DHTKD1: variants seen among roughly 807,000 people sequenced by gnomAD.
DHTKD1 encodes the protein dehydrogenase E1 and transketolase domain containing 1, also known as 2-oxoadipate dehydrogenase complex component E1.
DHTKD1 carries 78 observed loss-of-function variants against 101.8 expected under a neutral mutation model. That is an observed-to-expected ratio of 0.77 (90% CI 0.64 to 0.93). The LOEUF (loss-of-function observed/expected upper bound fraction) is 0.93. Among genes scored for constraint, DHTKD1 ranks in the 40% least tolerant of loss-of-function variants. The pLI is 0.00. For missense variants in DHTKD1, 1,223 were observed against 1,161.7 expected (o/e 1.05, Z -0.77); for synonymous variants, 462 against 450.3 (o/e 1.03, Z -0.33).
At chr10:12,076,464 A>C (rs1167023164) in intron 1 of DHTKD1, among the ~76,000 whole-genome samples, 1 of 151,842 alleles carries the variant, frequency 6.6e-6, no homozygotes, top group African/African-American at 2.4e-5. Flanking sequence ...CAACAGAGCG[A>C]GACTCTGTCT....
intron 11 of DHTKD1, among the ~76,000 whole-genome samples, chr10:12,106,992 T>C (rs573375806): frequency 3.3e-5 from 5 of 151,200 alleles, no homozygotes; most frequent in Admixed American, 1.3e-4. Context: ...CTTTTCTTTT[T>C]TTTTTTTTTT....
At position 12,118,451 on chromosome 10, in the gene DHTKD1, T is replaced by C. The variant is rs183529715; in HGVS notation, c.2403-298T>C. ...AGGCTGGAGTGCAGTGGCACGATCTTGGCTCACTGCAAGCTCCGCCTCCCG... is the reference window on the plus strand; with the variant it reads ...AGGCTGGAGTGCAGTGGCACGATCTCGGCTCACTGCAAGCTCCGCCTCCCG... On this transcript the variant is annotated intron_variant, in intron 14 of 16. Transcript: ENST00000263035. Among the ~76,000 whole-genome samples, 92 of 151,506 alleles carry C rather than the reference T, an allele frequency of 6.1e-4. No homozygotes were observed. In the East Asian group the frequency reaches 7.0e-3, roughly 12 times the overall value.
chr10:12,069,257 TGG>T, intron 1 of DHTKD1, 70 bp downstream of exon 1: 2 of 921,448 alleles, frequency 2.2e-6, no homozygotes, highest in Non-Finnish European at 2.6e-6. Flanking sequence ...CGATTTGCGG[TGG>T]GGTGTCGGGG....
In DHTKD1 at chr10:12,110,072, G is replaced by T. The variant is rs1405292343; in HGVS notation, c.2154+2057G>T. Among the ~76,000 whole-genome samples the T allele has an allele frequency of 6.6e-6, 1 of 152,180 alleles. No homozygotes were observed. Among genetic ancestry groups the T allele is most frequent in the Non-Finnish European group, 1.5e-5 (1 of 68,034 alleles). On this transcript the variant is annotated intron_variant, in intron 12 of 16. Coordinates refer to ENST00000263035, the MANE Select transcript of DHTKD1 (RefSeq NM_018706.7). This position sits in a 1 kb window ranked among gnomAD's most constrained non-coding sequence, Gnocchi z 4.9. ...CCAGCACTTTGGGAGGCCGAGGCGG[G>T]CGGATCATGAGGTCAGGAGATGAAG...
chr10:12,112,873 TCTC>T, intron 12 of DHTKD1, 24 bp from the exon 13 acceptor site: 1 of 1,575,116 alleles, frequency 6.3e-7, no homozygotes, highest in Non-Finnish European at 8.6e-7. Flanking sequence ...TGAACATTCT[TCTC>T]CTTTCTTGCC....
At chr10:12,105,385 A>G (rs1302808640) in intron 10 of DHTKD1, among the ~76,000 whole-genome samples, 2 of 151,944 alleles carry the variant, frequency 1.3e-5, no homozygotes, top group Non-Finnish European at 2.9e-5. Flanking sequence ...GTGCGATTAT[A>G]GCTCACTGTA....
chr10:12,102,469 T>G (rs1833187335), intron 10 of DHTKD1, among the ~76,000 whole-genome samples: 2 of 151,682 alleles, frequency 1.3e-5, no homozygotes, highest in Admixed American at 1.3e-4. Context: ...AAGCCACATT[T>G]TAGGAAGATA....
chr10:12,119,581 A>C (rs1354193469), intron 15 of DHTKD1, among the ~76,000 whole-genome samples: 2 of 143,808 alleles, frequency 1.4e-5, no homozygotes, highest in Non-Finnish European at 3.0e-5. Flanking sequence ...GCGCTACTGC[A>C]CTCCAGCCTG....
intron 8 of DHTKD1, among the ~76,000 whole-genome samples, chr10:12,098,773 C>T (rs964510925): frequency 6.6e-6 from 1 of 152,194 alleles, no homozygotes; most frequent in African/African-American, 2.4e-5. Context: ...CCATGTTGGC[C>T]AGGTTGGTCT....
intron 12 of DHTKD1, among the ~76,000 whole-genome samples, chr10:12,108,776 T>C (rs1186289788): frequency 6.6e-6 from 1 of 152,170 alleles, no homozygotes; most frequent in Non-Finnish European, 1.5e-5. Flanking sequence ...TATTTTTTAT[T>C]ATACTTGTTT....
Position 12,113,061 on chromosome 10 carries a change from C to T in DHTKD1, c.2316C>T (p.Leu772=). ...IVASPKMLLR[L]PAAVSTLQEM... ...CTTCCCCTAAGATGTTACTCAGGCT[C>T]CCGGTAAGCAGAAGGTGGTGAATAA... Residue 772 remains leucine (L), a synonymous_variant, in exon 13 of 17, where the codon CTC becomes CTT. Coordinates refer to ENST00000263035, the MANE Select transcript of DHTKD1 (RefSeq NM_018706.7). 1 of 1,603,800 alleles carries T rather than the reference C, an allele frequency of 6.2e-7. No individual in the cohort carries two copies. The highest frequency in any genetic ancestry group is 8.5e-7 in the Non-Finnish European group (1 of 1,175,440).
chr10:12,092,288 G>C (rs2131361210), intron 6 of DHTKD1, among the ~76,000 whole-genome samples: 1 of 152,056 alleles, frequency 6.6e-6, no homozygotes, highest in East Asian at 1.9e-4. Flanking sequence ...CAGCCTATCA[G>C]TGTGATTTTT....
chr10:12,074,753 G>A (rs1832700943), intron 1 of DHTKD1, among the ~76,000 whole-genome samples: 1 of 151,902 alleles, frequency 6.6e-6, no homozygotes, highest in Non-Finnish European at 1.5e-5. Context: ...CAAATAAACA[G>A]GTCAGGCCTG....
rs1178399113 is a variant in DHTKD1 at position 12,089,186 on chromosome 10, G to C, written c.918G>C (p.Gln306His). The change falls in exon 5 of 17, where the codon CAG (glutamine) becomes CAC (histidine). Residue 306 changes from glutamine to histidine, a missense_variant. By Grantham distance (24) the Gln-to-His change is conservative. Coordinates refer to ENST00000263035, the MANE Select transcript of DHTKD1 (RefSeq NM_018706.7). ...VAVGKTRGRQ[Q>H]SRQDGDYSPD... Reference sequence around the variant, plus strand: ...TGGGCAAAACTCGCGGCAGGCAGCAGTCTCGCCAAGACGGCGATTACTCTC... The same window carrying C: ...TGGGCAAAACTCGCGGCAGGCAGCACTCTCGCCAAGACGGCGATTACTCTC... 1.9e-6 allele frequency: 3 copies of C among 1,614,212 alleles called. No individual in the cohort carries two copies. The highest frequency in any genetic ancestry group is 2.5e-6 in the Non-Finnish European group (3 of 1,180,046).
At chr10:12,090,389 T>TTTCCTTCC (rs1244186979) in intron 5 of DHTKD1, among the ~76,000 whole-genome samples, 22 of 105,734 alleles carry the variant, frequency 2.1e-4, no homozygotes, top group African/African-American at 4.6e-4. Flanking sequence ...TCCTTCCTTT[T>TTTCCTTCC]TTCCTTCCTT....
At chr10:12,115,485 G>A (rs1329338692) in intron 13 of DHTKD1, among the ~76,000 whole-genome samples, 2 of 152,100 alleles carry the variant, frequency 1.3e-5, no homozygotes, top group Non-Finnish European at 2.9e-5. Flanking sequence ...TAAAATCAGT[G>A]CCTCCTTAAA....
rs1192770210 is a variant in DHTKD1, at chr10:12,112,945, A to G, written c.2200A>G (p.Met734Val). 2.5e-6 allele frequency: 4 copies of G among 1,613,256 alleles called. No homozygotes were observed. The highest frequency in any genetic ancestry group is 1.1e-5 in the South Asian group (1 of 90,924). ...GGGGGTGGACGGAGACACTGTGAACATGTTTGTGGTTCACCCAACAACTCC... is the reference window on the plus strand; with the variant it reads ...GGGGGTGGACGGAGACACTGTGAACGTGTTTGTGGTTCACCCAACAACTCC... ...EEGVDGDTVN[M>V]FVVHPTTPAQ... The change falls in exon 13 of 17, where the codon ATG (methionine) becomes GTG (valine). Residue 734 changes from methionine (M) to valine (V), a missense_variant. By Grantham distance (21) the Met-to-Val change is conservative. Transcript: ENST00000263035.
Position 12,110,252 on chromosome 10 carries a change from T to C in DHTKD1, c.2154+2237T>C, listed in dbSNP as rs1311590737. ...GGCGGAGCTTGCAGTGAGCTGAGATTGCGCCATGCACTCCAGCCTGGGTGA... is the reference window on the plus strand; with the variant it reads ...GGCGGAGCTTGCAGTGAGCTGAGATCGCGCCATGCACTCCAGCCTGGGTGA... On this transcript the variant is annotated intron_variant, in intron 12 of 16. Transcript: ENST00000263035. This position sits in a 1 kb window ranked among gnomAD's most constrained non-coding sequence, Gnocchi z 4.9. Among the ~76,000 whole-genome samples the C allele has an allele frequency of 6.6e-6, 1 of 152,108 alleles. No homozygotes were observed. The highest frequency in any genetic ancestry group is 1.5e-5 in the Non-Finnish European group (1 of 68,016).
intron 2 of DHTKD1, among the ~76,000 whole-genome samples, chr10:12,081,949 G>A (rs894685220): frequency 2.0e-5 from 3 of 148,310 alleles, no homozygotes; most frequent in Non-Finnish European, 4.4e-5. Flanking sequence ...AACATAGTGA[G>A]ACTGTCTCTA....
Sources: allele counts gnomAD v4.1 joint callset (sites outside exome capture counted in the v4.1 genomes callset), GRCh38; gene constraint gnomAD v4.1.1; non-coding constraint Gnocchi (gnomAD v3.1); transcripts MANE v1.5; gene names NCBI Gene and HGNC (gene_info 2026-07-23, HGNC 2026-07-21).